The following CADPS variants were observed in gnomAD, a reference collection of about 807,000 sequenced individuals.
The protein encoded by CADPS is calcium dependent secretion activator, also known as calcium-dependent secretion activator 1.
In CADPS, 57 loss-of-function variants were observed where a neutral mutation model predicts 167.3. The observed-to-expected ratio is 0.34, with a 90% CI of 0.28 to 0.42. The LOEUF (loss-of-function observed/expected upper bound fraction) is 0.42. Ranked by LOEUF, CADPS falls within the 20% of genes least tolerant of loss-of-function variation. The pLI, the probability that CADPS is intolerant of heterozygous loss-of-function variation, is 1.00. For missense variants in CADPS, 1,414 were observed against 1,738.1 expected, an observed-to-expected ratio of 0.81 and a Z score of 3.32; for synonymous variants, 676 against 635.3, an observed-to-expected ratio of 1.06 and a Z score of -0.96.
chr3:62,748,476 A>C (rs1056260160), intron 3 of CADPS, among the ~76,000 whole-genome samples: 2 of 152,046 alleles, frequency 1.3e-5, no homozygotes, highest in Admixed American at 6.6e-5. Context: ...TAACTTATAA[A>C]GTTAAGCAGA....
rs2090016847 is a variant in CADPS, at chr3:62,775,336, A to T, written c.442-9352T>A. On this transcript the variant is annotated intron_variant, in intron 1 of 29. Transcript: ENST00000383710. ...TGAGAGTGCTGGGATTACAGGCATT[A>T]GCCACTGCGCCTGGCCCGTAAGTGG... 2.0e-5 allele frequency among the ~76,000 whole-genome samples: 3 copies of T among 152,174 alleles called. No homozygotes were observed. The South Asian group carries it at 6.2e-4, about 31-fold the overall frequency.
At chr3:62,803,166 A>G (rs940680936) in intron 1 of CADPS, among the ~76,000 whole-genome samples, 1 of 152,104 alleles carries the variant, frequency 6.6e-6, no homozygotes, top group Admixed American at 6.6e-5. Flanking sequence ...CTGCTGGGTG[A>G]TTTACTGAGT....
At position 62,536,550 on chromosome 3, in the gene CADPS, A is replaced by G; in HGVS notation, c.1998T>C (p.Asp666=). The change falls in exon 12 of 30, where the codon GAT becomes GAC. Residue 666 remains aspartate, a synonymous_variant. Transcript: ENST00000383710. Reference sequence around the variant, plus strand: ...TACAGGGGTTGGAAGAGATAAATTCATCCATGCCATGTTTTTGAGCTCTAT... The same window carrying G: ...TACAGGGGTTGGAAGAGATAAATTCGTCCATGCCATGTTTTTGAGCTCTAT... ...YADRAQKHGM[D]EFISSNPCNF... is the part of the protein sequence containing the mutation. 1 of 1,613,308 alleles carries G rather than the reference A, an allele frequency of 6.2e-7. No homozygotes were observed. The highest frequency in any genetic ancestry group is 8.5e-7 in the Non-Finnish European group (1 of 1,179,344).
At chr3:62,423,565 A>T (rs1311292674) in intron 28 of CADPS, among the ~76,000 whole-genome samples, 2 of 152,248 alleles carry the variant, frequency 1.3e-5, no homozygotes, top group Non-Finnish European at 2.9e-5. Flanking sequence ...TTACATGGCT[A>T]TTCTTGTGGT....
intron 8 of CADPS, among the ~76,000 whole-genome samples, chr3:62,578,160 G>GAA (rs71123276): frequency 0.2 from 29,333 of 145,414 alleles, 3,134 homozygotes; most frequent in South Asian, 0.32. Context: ...TAAAAAGATA[G>GAA]AAAAAAAAAG....
intron 8 of CADPS, among the ~76,000 whole-genome samples, chr3:62,572,368 C>T (rs993254046): frequency 6.6e-6 from 1 of 152,084 alleles, no homozygotes; most frequent in Non-Finnish European, 1.5e-5. Context: ...CAGTCCCCAC[C>T]CACATTTTTT....
At chr3:62,418,751 A>G (rs1004582427) in intron 28 of CADPS, among the ~76,000 whole-genome samples, 1 of 151,940 alleles carries the variant, frequency 6.6e-6, no homozygotes, top group Non-Finnish European at 1.5e-5. Context: ...AGGTGCCCAA[A>G]TATCAAAATA....
At chr3:62,810,608 A>G (rs2094348775) in intron 1 of CADPS, among the ~76,000 whole-genome samples, 1 of 152,168 alleles carries the variant, frequency 6.6e-6, no homozygotes, top group African/African-American at 2.4e-5. Context: ...AGAGAACAAA[A>G]TGACTTCCAT....
chr3:62,665,164 G>A (rs987451117), intron 3 of CADPS, among the ~76,000 whole-genome samples: 1 of 152,140 alleles, frequency 6.6e-6, no homozygotes, highest in Non-Finnish European at 1.5e-5. Flanking sequence ...AGGCTAATGT[G>A]CATTCACACA....
At chr3:62,496,923 T>C (rs2064901480) in intron 18 of CADPS, among the ~76,000 whole-genome samples, 1 of 152,248 alleles carries the variant, frequency 6.6e-6, no homozygotes, top group Non-Finnish European at 1.5e-5. Context: ...GAAAGAATCC[T>C]GTACATTTAT....
chr3:62,854,739 A>G (rs1012260063), intron 1 of CADPS, among the ~76,000 whole-genome samples: 2 of 152,202 alleles, frequency 1.3e-5, no homozygotes, highest in African/African-American at 4.8e-5. Flanking sequence ...TTGAGCCTGA[A>G]AAATATTTCC....
intron 6 of CADPS, among the ~76,000 whole-genome samples, chr3:62,643,660 T>C (rs1417840127): frequency 2.0e-5 from 3 of 152,236 alleles, no homozygotes; most frequent in Admixed American, 6.5e-5. Flanking sequence ...TCTGATCGAA[T>C]GTTACAAACT....
intron 1 of CADPS, among the ~76,000 whole-genome samples, chr3:62,824,297 AAC>A (rs1462730543): frequency 6.6e-6 from 1 of 152,204 alleles, no homozygotes; most frequent in Non-Finnish European, 1.5e-5. Flanking sequence ...AAGAATATTC[AAC>A]AGTTATCATC....
chr3:62,629,313 C>G (rs1252675047), intron 6 of CADPS, among the ~76,000 whole-genome samples: 1 of 152,156 alleles, frequency 6.6e-6, no homozygotes, highest in East Asian at 1.9e-4. Flanking sequence ...TAGGCAACCA[C>G]TAATCTACTT....
intron 1 of CADPS, among the ~76,000 whole-genome samples, chr3:62,804,071 G>T (rs139343486): frequency 2.0e-5 from 3 of 152,170 alleles, no homozygotes; most frequent in South Asian, 2.1e-4. Flanking sequence ...GTGCCTCCCT[G>T]CTCCTTGAAC....
intron 16 of CADPS, among the ~76,000 whole-genome samples, chr3:62,515,678 C>T (rs116012408): frequency 1.3e-5 from 2 of 152,168 alleles, no homozygotes; most frequent in Non-Finnish European, 2.9e-5. Flanking sequence ...CTATCAGCAG[C>T]GGACAACAGA....
chr3:62,416,603 A>G (rs1281847113), intron 28 of CADPS, among the ~76,000 whole-genome samples: 1 of 152,184 alleles, frequency 6.6e-6, no homozygotes, highest in Admixed American at 6.5e-5. Flanking sequence ...CAAAAACATG[A>G]AGACACCGAA....
intron 21 of CADPS, among the ~76,000 whole-genome samples, chr3:62,485,534 G>A (rs780218727): frequency 7.9e-5 from 12 of 151,946 alleles, no homozygotes; most frequent in East Asian, 3.9e-4. Flanking sequence ...AAATAGAGTC[G>A]TTTTTCCTTT....
At position 62,688,276 on chromosome 3, in the gene CADPS, T is replaced by C. The variant is rs1580448376; in HGVS notation, c.889-25882A>G. On this transcript the variant is annotated intron_variant, in intron 3 of 29. Coordinates refer to ENST00000383710, the MANE Select transcript of CADPS (RefSeq NM_003716.4). ...AAAAAACCAAAAATATTCCTAGACA[T>C]TGGCAAATGTCCCCTAGGGGCAAAA... Among the ~76,000 whole-genome samples, 3 of 151,978 alleles carry C rather than the reference T, an allele frequency of 2.0e-5. 1 individual carries two copies. The highest frequency in any genetic ancestry group is 2.0e-4 in the Admixed American group (3 of 15,272).
Sources: gnomAD v4.1 joint callset for allele counts (sites outside exome capture counted in the v4.1 genomes callset) on GRCh38, gnomAD v4.1.1 for gene constraint, MANE v1.5 for transcripts, NCBI Gene and HGNC (gene_info 2026-07-23, HGNC 2026-07-21) for gene names.